Variants in TWIST2 observed in about 807,000 individuals in gnomAD.
The protein encoded by TWIST2 is twist-related protein 2.
Under a neutral mutation model 11.6 loss-of-function variants are expected in TWIST2, and 1 was observed. That is an observed-to-expected ratio of 0.09 (90% confidence interval 0.03 to 0.41). The LOEUF is 0.41. Ranked by LOEUF, TWIST2 falls within the 10% of genes least tolerant of loss-of-function variation. The pLI is 0.98. For missense variants in TWIST2, 168 were observed against 226.4 expected (o/e 0.74, Z 1.66); for synonymous variants, 87 against 96.6 (o/e 0.90, Z 0.58).
In TWIST2 at chr2:238,887,604, C is replaced by T. The variant is rs1254155454; in HGVS notation, c.*36-22238C>T. On this transcript the variant is annotated intron_variant, in intron 1 of 1. Coordinates refer to ENST00000612363, the MANE Select transcript of TWIST2 (RefSeq NM_001271893.4). ...TCTCCCTTCACACTCCTCAGAGCCC[C>T]TGTGGTTAGGCAGGGCCATAGGACT... Among the ~76,000 whole-genome samples, 7 of 152,226 alleles carry T rather than the reference C, an allele frequency of 4.6e-5. No homozygotes were observed. In the East Asian group the frequency reaches 1.3e-3, roughly 29 times the overall value.
intron 1 of TWIST2, among the ~76,000 whole-genome samples, chr2:238,890,761 C>T (rs775843930): frequency 3.9e-5 from 6 of 152,088 alleles, no homozygotes; most frequent in East Asian, 1.9e-4. Context: ...CTTGAGGCTG[C>T]GAGTCTTCTG....
intron 1 of TWIST2, among the ~76,000 whole-genome samples, chr2:238,855,075 C>T (rs905439111): frequency 2.6e-5 from 4 of 152,186 alleles, no homozygotes; most frequent in South Asian, 2.1e-4. Context: ...ACTTTTAGCT[C>T]GGCGGAAGAG....
At chr2:238,905,994 TGTGTGC>T (rs1297384749) in intron 1 of TWIST2, among the ~76,000 whole-genome samples, 17 of 102,312 alleles carry the variant, frequency 1.7e-4, no homozygotes, top group Admixed American at 6.0e-4. Context: ...TACGTGCGCG[TGTGTGC>T]GTGTGCGTGT....
intron 1 of TWIST2, 52 bp downstream of exon 1, chr2:238,848,785 G>A: frequency 7.7e-7 from 1 of 1,292,328 alleles, no homozygotes; most frequent in Non-Finnish European, 9.8e-7. Flanking sequence ...GCGGGCGGCA[G>A]GGGCGCAGGG....
intron 1 of TWIST2, among the ~76,000 whole-genome samples, chr2:238,850,642 T>C (rs1254290927): frequency 6.6e-6 from 1 of 152,184 alleles, no homozygotes; most frequent in African/African-American, 2.4e-5. Flanking sequence ...CAGCCATAGG[T>C]AACCATTAAA....
At chr2:238,906,522 A>G (rs1268711558) in intron 1 of TWIST2, among the ~76,000 whole-genome samples, 1 of 152,118 alleles carries the variant, frequency 6.6e-6, no homozygotes. Context: ...ACATGCATGC[A>G]CACTGGCACA....
At chr2:238,879,779 G>A (rs1298711920) in intron 1 of TWIST2, among the ~76,000 whole-genome samples, 1 of 152,250 alleles carries the variant, frequency 6.6e-6, no homozygotes, top group African/African-American at 2.4e-5. Flanking sequence ...TGGACCTGCA[G>A]AAGGGCATGA....
chr2:238,890,951 G>A lies in TWIST2; in HGVS notation c.*36-18891G>A, dbSNP rs1052545531. On this transcript the variant is annotated intron_variant, in intron 1 of 1. Coordinates refer to ENST00000612363, the MANE Select transcript of TWIST2 (RefSeq NM_001271893.4). ...CAGATGCCACGGGGTAGTCTCACCT[G>A]CACCCCGGGACCTTGCCAGCTATTT... Among the ~76,000 whole-genome samples, 12 of 152,160 alleles carry A rather than the reference G, an allele frequency of 7.9e-5. 1 individual carries two copies. The highest frequency in any genetic ancestry group is 7.2e-4 in the Admixed American group (11 of 15,282).
intron 1 of TWIST2, among the ~76,000 whole-genome samples, chr2:238,908,330 TACC>T (rs1326898350): frequency 6.0e-5 from 6 of 99,972 alleles, no homozygotes; most frequent in African/African-American, 2.3e-4. Flanking sequence ...TACACACACA[TACC>T]ACACACACAA....
rs1434750722 is a variant in TWIST2, at chr2:238,866,445, T to C, written c.*35+17712T>C. On this transcript the variant is annotated intron_variant, in intron 1 of 1. Transcript: ENST00000612363. This position sits in a 1 kb window ranked among gnomAD's most constrained non-coding sequence, Gnocchi z 4.9. ...AGGCTGAGGCAGGCAGATCACGAGG[T>C]CAGGAATTCGAGACCAGCCTGGCCA... 6.6e-6 allele frequency among the ~76,000 whole-genome samples: 1 copy of C among 152,026 alleles called. No homozygotes were observed. Among genetic ancestry groups the C allele is most frequent in the Non-Finnish European group, 1.5e-5 (1 of 68,008 alleles).
intron 1 of TWIST2, among the ~76,000 whole-genome samples, chr2:238,878,833 A>G (rs556816902): frequency 6.6e-6 from 1 of 152,288 alleles, no homozygotes; most frequent in African/African-American, 2.4e-5. Context: ...CTGGAAACTC[A>G]GTGTGTTCTC....
At chr2:238,860,352 A>G (rs1392819145) in intron 1 of TWIST2, among the ~76,000 whole-genome samples, 1 of 152,004 alleles carries the variant, frequency 6.6e-6, no homozygotes, top group Non-Finnish European at 1.5e-5. Flanking sequence ...CACCCTTTAC[A>G]TGCTCCTCAG....
chr2:238,887,751 G>C (rs1693067302), intron 1 of TWIST2, among the ~76,000 whole-genome samples: 1 of 152,182 alleles, frequency 6.6e-6, no homozygotes, highest in South Asian at 2.1e-4. Context: ...GAGGCCACAG[G>C]TTCTCAAGAC....
intron 1 of TWIST2, among the ~76,000 whole-genome samples, chr2:238,855,484 C>A (rs1286878290): frequency 6.6e-6 from 1 of 152,198 alleles, no homozygotes; most frequent in Non-Finnish European, 1.5e-5. Context: ...TGGCTTTCCT[C>A]TCGTTCATGA....
chr2:238,892,220 C>G lies in TWIST2; in HGVS notation c.*36-17622C>G, dbSNP rs572196541. Among the ~76,000 whole-genome samples the G allele has an allele frequency of 1.5e-3, 233 of 152,272 alleles. 5 individuals are homozygous for G. Among genetic ancestry groups the G allele is most frequent in the Non-Finnish European group, 2.6e-4 (18 of 68,026 alleles). Reference sequence around the variant, plus strand: ...CTCCGGCTCACCTCACGGCGGAACGCAGACACCTGAGAGCCCGCAAGCCTC... The same window carrying G: ...CTCCGGCTCACCTCACGGCGGAACGGAGACACCTGAGAGCCCGCAAGCCTC... On this transcript the variant is annotated intron_variant, in intron 1 of 1. Transcript: ENST00000612363.
chr2:238,865,008 A>G (rs370136189), intron 1 of TWIST2, among the ~76,000 whole-genome samples: 2 of 152,142 alleles, frequency 1.3e-5, no homozygotes, highest in Non-Finnish European at 2.9e-5. Context: ...GCAAACTGAC[A>G]TAAAGGGTTT....
At position 238,866,034 on chromosome 2, in the gene TWIST2, T is replaced by C. The variant is rs762755114; in HGVS notation, c.*35+17301T>C. ...TACCTTTCCCAGTCACTGATCTGAC[T>C]CCGTCGCTTAACCTGTTAATGGAAT... On this transcript the variant is annotated intron_variant, in intron 1 of 1. Transcript: ENST00000612363. This position sits in a 1 kb window ranked among gnomAD's most constrained non-coding sequence, Gnocchi z 4.9. Among the ~76,000 whole-genome samples, 48 of 152,324 alleles carry C rather than the reference T, an allele frequency of 3.2e-4. No individual in the cohort carries two copies. Among genetic ancestry groups the C allele is most frequent in the Non-Finnish European group, 5.0e-4 (34 of 68,018 alleles).
At chr2:238,868,674 A>G (rs897532957) in intron 1 of TWIST2, among the ~76,000 whole-genome samples, 2 of 152,178 alleles carry the variant, frequency 1.3e-5, no homozygotes, top group Non-Finnish European at 2.9e-5. Flanking sequence ...AAGGTTGGTG[A>G]CTGTCCGTGA....
chr2:238,909,298 T>G (rs1693413839), intron 1 of TWIST2, among the ~76,000 whole-genome samples: 1 of 151,918 alleles, frequency 6.6e-6, no homozygotes, highest in Admixed American at 6.6e-5. Flanking sequence ...CAACTTCCCG[T>G]GTGTCTGCAA....
Sources: gnomAD v4.1 joint callset for allele counts (sites outside exome capture counted in the v4.1 genomes callset) on GRCh38, gnomAD v4.1.1 for gene constraint, Gnocchi (gnomAD v3.1) non-coding constraint, MANE v1.5 for transcripts, NCBI Gene and HGNC (gene_info 2026-07-23, HGNC 2026-07-21) for gene names.